NCAM2: variants seen among roughly 807,000 people sequenced by gnomAD.
NCAM2 encodes the protein N-CAM-2.
In NCAM2, 30 loss-of-function variants were observed where a neutral mutation model predicts 98.1. The observed-to-expected ratio is 0.31, with a 90% CI of 0.23 to 0.41. The LOEUF is 0.41. NCAM2 is among the 10% of genes least tolerant of loss of function. NCAM2 has a pLI of 1.00. For missense variants in NCAM2, 867 were observed against 1,005.8 expected (o/e 0.86, Z 1.87); for synonymous variants, 368 against 342.4 (o/e 1.07, Z -0.83).
intron 1 of NCAM2, among the ~76,000 whole-genome samples, chr21:21,271,000 G>A (rs2072477466): frequency 6.6e-6 from 1 of 150,498 alleles, no homozygotes; most frequent in African/African-American, 2.4e-5. Context: ...GCCTCTTTTG[G>A]ACATCAATTA....
chr21:21,513,973 A>G (rs1006545896), intron 16 of NCAM2, among the ~76,000 whole-genome samples: 2 of 152,042 alleles, frequency 1.3e-5, no homozygotes, highest in East Asian at 3.9e-4. Context: ...TACAGTCCTT[A>G]TTCAAGCATT....
At chr21:21,411,073 C>CATATATGTGTGTATATATATAT (rs1569033269) in intron 10 of NCAM2, among the ~76,000 whole-genome samples, 2 of 15,862 alleles carry the variant, frequency 1.3e-4, no homozygotes, top group African/African-American at 8.1e-4. Flanking sequence ...TATATATACA[C>CATATATGTGTGTATATATATAT]ACACATATAT....
intron 1 of NCAM2, among the ~76,000 whole-genome samples, chr21:21,261,326 G>A (rs577435211): frequency 2.5e-3 from 382 of 152,160 alleles, no homozygotes; most frequent in Non-Finnish European, 4.0e-3. Flanking sequence ...GACGTAAATT[G>A]GACTGTTGAC....
At chr21:21,400,277 G>T (rs1237753835) in intron 9 of NCAM2, among the ~76,000 whole-genome samples, 3 of 152,126 alleles carry the variant, frequency 2.0e-5, no homozygotes, top group Non-Finnish European at 4.4e-5. Context: ...AATGTTCTAG[G>T]TCAGACTTCT....
intron 1 of NCAM2, among the ~76,000 whole-genome samples, chr21:21,180,595 T>A (rs1162115021): frequency 1.3e-5 from 2 of 152,182 alleles, no homozygotes; most frequent in Non-Finnish European, 2.9e-5. Context: ...TATAGATGTT[T>A]CCAGAGAAGC....
At chr21:21,071,944 G>T (rs565505563) in intron 1 of NCAM2, among the ~76,000 whole-genome samples, 68 of 147,682 alleles carry the variant, frequency 4.6e-4, no homozygotes, top group African/African-American at 1.6e-3. Context: ...ACGGAGTGTT[G>T]CTCTGTTGCC....
chr21:21,068,176 G>A (rs1176815583), intron 1 of NCAM2, among the ~76,000 whole-genome samples: 2 of 124,648 alleles, frequency 1.6e-5, no homozygotes, highest in African/African-American at 3.1e-5. Context: ...TTGCTCTGTC[G>A]CCTAGGCTGG....
At chr21:21,423,278 A>G (rs1426832978) in intron 11 of NCAM2, among the ~76,000 whole-genome samples, 1 of 152,146 alleles carries the variant, frequency 6.6e-6, no homozygotes, top group Non-Finnish European at 1.5e-5. Context: ...GCTCTTTAAG[A>G]GTTTCTGTGC....
chr21:21,528,457 G>A (rs775330537), intron 16 of NCAM2, among the ~76,000 whole-genome samples: 5 of 152,062 alleles, frequency 3.3e-5, no homozygotes, highest in South Asian at 2.1e-4. Context: ...CAGGGGATAC[G>A]TGGGAAATCT....
chr21:21,439,740 A>C (rs181859797), intron 12 of NCAM2, among the ~76,000 whole-genome samples: 1 of 152,366 alleles, frequency 6.6e-6, no homozygotes, highest in Non-Finnish European at 1.5e-5. Flanking sequence ...CATTCAAAAA[A>C]CAAATTATTC....
intron 1 of NCAM2, among the ~76,000 whole-genome samples, chr21:21,039,998 A>G (rs1601173198): frequency 6.6e-6 from 1 of 152,260 alleles, no homozygotes; most frequent in Admixed American, 6.5e-5. Context: ...AGTGAGGAGG[A>G]TACACATTGC....
At chr21:21,115,272 G>A (rs2066531400) in intron 1 of NCAM2, among the ~76,000 whole-genome samples, 1 of 152,092 alleles carries the variant, frequency 6.6e-6, no homozygotes, top group African/African-American at 2.4e-5. Flanking sequence ...GCTTTATCCA[G>A]CCTCTCCTTG....
At chr21:21,316,609 C>T (rs1326824327) in intron 5 of NCAM2, among the ~76,000 whole-genome samples, 2 of 134,908 alleles carry the variant, frequency 1.5e-5, no homozygotes, top group African/African-American at 2.8e-5. Context: ...GATCTCGGCT[C>T]ACTACAACCC....
intron 1 of NCAM2, among the ~76,000 whole-genome samples, chr21:21,230,783 T>C (rs2070591086): frequency 6.6e-6 from 1 of 151,356 alleles, no homozygotes; most frequent in Non-Finnish European, 1.5e-5. Context: ...TAAGGGCTTA[T>C]AATTTAATCA....
intron 1 of NCAM2, among the ~76,000 whole-genome samples, chr21:21,196,962 C>T (rs1017835241): frequency 6.6e-6 from 1 of 152,094 alleles, no homozygotes; most frequent in Non-Finnish European, 1.5e-5. Context: ...GCACCTTCCC[C>T]TCACTCCTCC....
At chr21:21,522,235 T>A (rs1989061595) in intron 16 of NCAM2, among the ~76,000 whole-genome samples, 1 of 146,442 alleles carries the variant, frequency 6.8e-6, no homozygotes, top group South Asian at 2.2e-4. Context: ...ATTATATTTA[T>A]GAAGATGAAT....
chr21:21,456,109 T>A lies in NCAM2; in HGVS notation c.1655-10497T>A, dbSNP rs376304103. ...TGGGCTTTCTGTGTGATTTGGTATG[T>A]TCCATAGTAGAGAATACAAATGATA... is the stretch of plus-strand genomic sequence containing the variant. On this transcript the variant is annotated intron_variant, in intron 12 of 17. Coordinates refer to ENST00000400546, the MANE Select transcript of NCAM2 (RefSeq NM_004540.5). Among the ~76,000 whole-genome samples, 45 of 152,280 alleles carry A rather than the reference T, an allele frequency of 3.0e-4. No individual in the cohort carries two copies. The South Asian group carries it at 8.9e-3, about 30-fold the overall frequency.
chr21:21,127,797 A>G (rs1669291429), intron 1 of NCAM2, among the ~76,000 whole-genome samples: 1 of 152,100 alleles, frequency 6.6e-6, no homozygotes. Flanking sequence ...TTTTATTTTT[A>G]TGACGAATAT....
At chr21:21,514,482 A>C (rs1220685397) in intron 16 of NCAM2, among the ~76,000 whole-genome samples, 1,382 of 85,006 alleles carry the variant, frequency 0.016, 20 homozygotes, top group African/African-American at 0.059. Context: ...CAAAAAAAAA[A>C]AAAAAAAAAA....
Sources: allele counts gnomAD v4.1 joint callset (sites outside exome capture counted in the v4.1 genomes callset), GRCh38; gene constraint gnomAD v4.1.1; transcripts MANE v1.5; gene names NCBI Gene and HGNC (gene_info 2026-07-23, HGNC 2026-07-21).